The following ATG7 variants were observed in gnomAD, a reference collection of about 807,000 sequenced individuals.
ATG7 encodes the protein ubiquitin-like modifier-activating enzyme ATG7.
In ATG7, 70 loss-of-function variants were observed where a neutral mutation model predicts 82.4. The observed-to-expected ratio is 0.85, with a 90% CI of 0.70 to 1.04. The LOEUF (loss-of-function observed/expected upper bound fraction) is 1.04. Among genes scored for constraint, ATG7 ranks in the 50% least tolerant of loss-of-function variants. The pLI, the probability that ATG7 is intolerant of heterozygous loss-of-function variation, is 0.00. For missense variants in ATG7, 792 were observed against 864.3 expected (o/e 0.92, Z 1.05); for synonymous variants, 287 against 313.0 (o/e 0.92, Z 0.88).
intron 20 of ATG7, among the ~76,000 whole-genome samples, chr3:11,543,128 T>G (rs1027406110): frequency 6.6e-6 from 1 of 152,234 alleles, no homozygotes; most frequent in Admixed American, 6.5e-5. Flanking sequence ...CCTGCCAACA[T>G]GAAACCTGTC....
intron 19 of ATG7, among the ~76,000 whole-genome samples, chr3:11,400,515 C>A (rs1399979619): frequency 6.6e-6 from 1 of 152,074 alleles, no homozygotes; most frequent in African/African-American, 2.4e-5. Flanking sequence ...ATAACGTTGC[C>A]ATATTTTCTG....
At chr3:11,463,401 C>T (rs2086531896) in intron 20 of ATG7, among the ~76,000 whole-genome samples, 1 of 152,176 alleles carries the variant, frequency 6.6e-6, no homozygotes, top group South Asian at 2.1e-4. Context: ...GTCTGCTAAA[C>T]CTTCAGTCTT....
chr3:11,308,911 C>G, intron 6 of ATG7, 73 bp from the exon 7 acceptor site: 1 of 1,395,614 alleles, frequency 7.2e-7, no homozygotes, highest in Non-Finnish European at 1.0e-6. Context: ...CTTTTCAGCT[C>G]CACACTTCAC....
chr3:11,360,905 T>A, intron 16 of ATG7, 121 bp downstream of exon 16: 1 of 1,159,760 alleles, frequency 8.6e-7, no homozygotes, highest in Non-Finnish European at 1.2e-6. Context: ...AGAGAAGAAT[T>A]CTCCAATTTG....
chr3:11,519,944 A>G (rs1189454297), intron 20 of ATG7, among the ~76,000 whole-genome samples: 1 of 152,040 alleles, frequency 6.6e-6, no homozygotes, highest in Non-Finnish European at 1.5e-5. Flanking sequence ...CCACTTGCAG[A>G]TAATGACAGA....
chr3:11,450,517 G>A (rs550366570), intron 20 of ATG7, among the ~76,000 whole-genome samples: 1 of 152,302 alleles, frequency 6.6e-6, no homozygotes, highest in South Asian at 2.1e-4. Context: ...AGAGATCAAT[G>A]TACAAATGAA....
In ATG7 at chr3:11,347,785, T is replaced by A; in HGVS notation, c.1126-92T>A. The stretch of plus-strand genomic sequence containing the variant: ...TCTTGTGTTTTGAGGTTCCCAAGCT[T>A]CTCCAAACCAATATTCTTTTTGAGA... On this transcript the variant is annotated intron_variant, in intron 13 of 20. Coordinates refer to ENST00000693202, the MANE Select transcript of ATG7 (RefSeq NM_001349232.2). 8 of 1,370,108 alleles carry A rather than the reference T, an allele frequency of 5.8e-6. No homozygotes were observed. The South Asian group carries it at 6.9e-5, about 12-fold the overall frequency. The allele number at this position is 1,370,108 out of a possible 1,614,324, so 84.9% of individuals were successfully genotyped here.
intron 10 of ATG7, among the ~76,000 whole-genome samples, chr3:11,331,654 T>C (rs1951665820): frequency 6.6e-6 from 1 of 152,212 alleles, no homozygotes; most frequent in Non-Finnish European, 1.5e-5. Flanking sequence ...GTGCTAAAGA[T>C]GTTTTAGTGT....
At chr3:11,354,899 A>T (rs1435179182) in intron 14 of ATG7, among the ~76,000 whole-genome samples, 6 of 152,194 alleles carry the variant, frequency 3.9e-5, no homozygotes, top group Admixed American at 3.3e-4. Context: ...GGAAGGAAAG[A>T]TTTGTCCCAG....
chr3:11,362,920 T>C lies in ATG7; in HGVS notation c.1791T>C (p.His597=), dbSNP rs1228433614. Residue 597 remains histidine (H), a synonymous_variant, in exon 17 of 21, where the codon CAT becomes CAC. Transcript: ENST00000693202. ...AVELMVSVLQ[H]PEGGYAIASS... is the part of the protein sequence containing the mutation. ...AATTGATGGTATCTGTTTTGCAGCA[T>C]CCAGAAGGGTGAGTTTGCTAGTAGG... 4 of 1,613,720 alleles carry C rather than the reference T, an allele frequency of 2.5e-6. No homozygotes were observed. In the Middle Eastern group the frequency reaches 5.0e-4, roughly 200 times the overall value.
At chr3:11,413,825 A>C (rs1013831728) in intron 19 of ATG7, among the ~76,000 whole-genome samples, 1 of 152,192 alleles carries the variant, frequency 6.6e-6, no homozygotes, top group African/African-American at 2.4e-5. Flanking sequence ...TAAATGTTTG[A>C]TAGAACTCAC....
the ATG7 span, chr3:11,564,964 G>A: frequency 6.5e-7 from 1 of 1,548,630 alleles, no homozygotes; most frequent in Non-Finnish European, 8.7e-7. Flanking sequence ...CGCTCGATGG[G>A]GCTGCGGCTC....
In ATG7 at chr3:11,367,018, C is replaced by G. The variant is rs1046097773; in HGVS notation, c.1875+2284C>G. 2.7e-4 allele frequency among the ~76,000 whole-genome samples: 27 copies of G among 99,444 alleles called. No homozygotes were observed. The South Asian group carries it at 5.5e-3, about 20-fold the overall frequency. The allele number at this position is 99,444 out of a possible 152,430, so 65.2% of individuals were successfully genotyped here. A position where few individuals can be genotyped will look rare whatever the true frequency, so the allele number is the denominator to read the frequency against. ...GTGTGTGTGTGTGTGTGTGTGTTTA[C>G]TTGCTTACATTGTTTCAAGTTTCAA... On this transcript the variant is annotated intron_variant, in intron 18 of 20. Coordinates refer to ENST00000693202, the MANE Select transcript of ATG7 (RefSeq NM_001349232.2).
chr3:11,377,128 T>A (rs1018982165), intron 18 of ATG7, among the ~76,000 whole-genome samples: 1 of 152,216 alleles, frequency 6.6e-6, no homozygotes, highest in Non-Finnish European at 1.5e-5. Context: ...GCTGAGCCTT[T>A]GCATTAGCTA....
intron 20 of ATG7, among the ~76,000 whole-genome samples, chr3:11,476,418 CT>C (rs57639760): frequency 0.013 from 1,784 of 139,394 alleles, 22 homozygotes; most frequent in African/African-American, 0.042. Context: ...TGTGGTTTTT[CT>C]TTTTTTTTTT....
At chr3:11,346,186 A>G (rs1954515392) in intron 13 of ATG7, among the ~76,000 whole-genome samples, 1 of 152,174 alleles carries the variant, frequency 6.6e-6, no homozygotes, top group Admixed American at 6.5e-5. Flanking sequence ...CTAAAGCTTT[A>G]TGACTGTAGA....
At chr3:11,347,321 T>C (rs370257763) in intron 13 of ATG7, among the ~76,000 whole-genome samples, 2 of 152,356 alleles carry the variant, frequency 1.3e-5, no homozygotes, top group East Asian at 3.9e-4. Flanking sequence ...CCGTGAAAAC[T>C]ATTTCTAAGA....
chr3:11,324,767 A>T (rs754518556), intron 9 of ATG7, among the ~76,000 whole-genome samples: 1 of 152,216 alleles, frequency 6.6e-6, no homozygotes, highest in Non-Finnish European at 1.5e-5. Flanking sequence ...TATAATTTAG[A>T]TATCATTTAG....
chr3:11,334,576 A>G (rs755754302), intron 11 of ATG7, among the ~76,000 whole-genome samples: 2 of 151,742 alleles, frequency 1.3e-5, no homozygotes, highest in Non-Finnish European at 2.9e-5. Context: ...TCCTTATATC[A>G]TCCTCATGGT....
Sources: gnomAD v4.1 joint callset for allele counts (sites outside exome capture counted in the v4.1 genomes callset) on GRCh38, gnomAD v4.1.1 for gene constraint, MANE v1.5 for transcripts, NCBI Gene and HGNC (gene_info 2026-07-23, HGNC 2026-07-21) for gene names.